DNAH14: variants seen among roughly 807,000 people sequenced by gnomAD.
DNAH14 encodes the protein dynein axonemal heavy chain 14, also known as axonemal beta dynein heavy chain 14.
Under a neutral mutation model 520.9 loss-of-function variants are expected in DNAH14, and 478 were observed. That is an observed-to-expected ratio of 0.92 (90% CI 0.85 to 0.99). DNAH14 has a LOEUF of 0.99. Ranked by LOEUF, DNAH14 falls within the 50% of genes least tolerant of loss-of-function variation. The probability of loss-of-function intolerance (pLI) is 0.00; values close to 1 mark genes in which losing one functional copy is unlikely to be tolerated. For synonymous variants in DNAH14, 1,581 were observed against 1,757.2 expected, an observed-to-expected ratio of 0.90 and a Z score of 2.51; for missense variants, 4,831 against 5,234.5, an observed-to-expected ratio of 0.92 and a Z score of 2.38.
chr1:225,294,747 C>A (rs759801332), intron 55 of DNAH14, among the ~76,000 whole-genome samples: 6 of 151,824 alleles, frequency 4.0e-5, no homozygotes, highest in Non-Finnish European at 7.4e-5. Flanking sequence ...TTGCTTGAAC[C>A]CAGGAGACAG....
intron 36 of DNAH14, among the ~76,000 whole-genome samples, chr1:225,174,652 G>A (rs535937308): frequency 6.6e-6 from 1 of 151,972 alleles, no homozygotes; most frequent in South Asian, 2.1e-4. Flanking sequence ...TTCTAATTTG[G>A]ATGTCTTTTA....
At chr1:225,147,390 T>G in intron 31 of DNAH14, 141 bp downstream of exon 31, 1 of 789,394 alleles carries the variant, frequency 1.3e-6, no homozygotes, top group Non-Finnish European at 1.8e-6. Flanking sequence ...CCAAAAGGAA[T>G]GGCAGTTACC....
intron 11 of DNAH14, chr1:225,024,366 C>A: frequency 1.7e-6 from 1 of 577,524 alleles, no homozygotes; most frequent in Non-Finnish European, 2.2e-6. Flanking sequence ...AACATTTTTA[C>A]CTTCTAAACA....
intron 54 of DNAH14, among the ~76,000 whole-genome samples, chr1:225,289,017 T>C (rs1318895529): frequency 6.6e-6 from 1 of 152,152 alleles, no homozygotes; most frequent in Non-Finnish European, 1.5e-5. Flanking sequence ...ATGGAAATGT[T>C]CATAGCAGCA....
At chr1:225,291,658 T>C (rs571213327) in intron 55 of DNAH14, among the ~76,000 whole-genome samples, 1 of 152,286 alleles carries the variant, frequency 6.6e-6, no homozygotes, top group South Asian at 2.1e-4. Flanking sequence ...CCATACTATT[T>C]GCCATAATGG....
At chr1:225,103,400 A>C (rs887601157) in intron 23 of DNAH14, among the ~76,000 whole-genome samples, 1 of 152,174 alleles carries the variant, frequency 6.6e-6, no homozygotes, top group East Asian at 1.9e-4. Context: ...TATGAACTTT[A>C]AAGTAGTTGT....
intron 32 of DNAH14, 99 bp downstream of exon 32, chr1:225,152,172 A>C: frequency 9.6e-7 from 1 of 1,037,086 alleles, no homozygotes. Flanking sequence ...ATCTATCCAT[A>C]TATCTGTCTC....
chr1:225,194,390 T>C (rs948200578), intron 38 of DNAH14, among the ~76,000 whole-genome samples: 5 of 151,690 alleles, frequency 3.3e-5, no homozygotes, highest in African/African-American at 1.2e-4. Context: ...TTTGACAAAG[T>C]TGACAAAAAG....
chr1:225,162,217 T>C (rs780234551), intron 35 of DNAH14, among the ~76,000 whole-genome samples: 36 of 152,238 alleles, frequency 2.4e-4, no homozygotes, highest in Non-Finnish European at 5.1e-4. Context: ...GTTTCATTCT[T>C]CTGCATATGG....
chr1:225,381,698 G>T, intron 81 of DNAH14, 119 bp downstream of exon 81: 1 of 836,532 alleles, frequency 1.2e-6, no homozygotes. Flanking sequence ...CTTAAAAGAT[G>T]CTGACGTACT....
chr1:225,261,817 A>G (rs753565263), intron 46 of DNAH14, among the ~76,000 whole-genome samples: 3 of 152,062 alleles, frequency 2.0e-5, no homozygotes, highest in Non-Finnish European at 4.4e-5. Context: ...TTTCTTTACT[A>G]TGATTGGCCA....
intron 37 of DNAH14, among the ~76,000 whole-genome samples, chr1:225,191,718 T>G (rs1000995158): frequency 3.9e-5 from 6 of 152,024 alleles, no homozygotes; most frequent in Non-Finnish European, 5.9e-5. Context: ...ATAGGTCTCT[T>G]GGACTCTGTT....
chr1:224,949,818 C>CT (rs2060059979), intron 1 of DNAH14, among the ~76,000 whole-genome samples: 1 of 152,100 alleles, frequency 6.6e-6, no homozygotes, highest in Non-Finnish European at 1.5e-5. Context: ...TAGATAGCAT[C>CT]TATTGACTCT....
chr1:225,013,590 A>G (rs1290047984), intron 10 of DNAH14, among the ~76,000 whole-genome samples: 1 of 152,042 alleles, frequency 6.6e-6, no homozygotes, highest in Non-Finnish European at 1.5e-5. Context: ...TGCCAAGGAG[A>G]TGGGAGTTTT....
At chr1:225,095,863 G>A (rs1023017839) in intron 21 of DNAH14, among the ~76,000 whole-genome samples, 1 of 152,120 alleles carries the variant, frequency 6.6e-6, no homozygotes, top group Non-Finnish European at 1.5e-5. Flanking sequence ...AATTCCAACA[G>A]GACACAAAGA....
rs936723372 is a variant in DNAH14 at position 225,023,749 on chromosome 1, A to G, written c.1242A>G (p.Ile414Met). Residue 414 changes from isoleucine to methionine, a missense_variant, in exon 11 of 86, where the codon ATA becomes ATG. Ile to Met is a conservative substitution (Grantham distance 10). Transcript: ENST00000682510. ...AGTTTGTAATGCTGGTTGACTACAT[A>G]TTTCAGGAACTCATTCGTCAACTTA... ...FFKFVMLVDY[I>M]FQELIRQLMN... The G allele has an allele frequency of 2.6e-6, 4 of 1,550,888 alleles. No individual in the cohort carries two copies. In the Admixed American group the frequency reaches 5.9e-5, roughly 23 times the overall value.
chr1:224,950,549 T>C (rs1211439987), intron 1 of DNAH14, among the ~76,000 whole-genome samples: 1 of 152,248 alleles, frequency 6.6e-6, no homozygotes, highest in Non-Finnish European at 1.5e-5. Context: ...TTTTTACAGT[T>C]TGATTAGTAA....
intron 37 of DNAH14, among the ~76,000 whole-genome samples, chr1:225,187,677 G>A (rs915831704): frequency 1.3e-5 from 2 of 151,780 alleles, no homozygotes; most frequent in Non-Finnish European, 2.9e-5. Flanking sequence ...TAGCGGATGC[G>A]AAATACTATC....
chr1:225,195,301 A>C (rs546231447), intron 38 of DNAH14, among the ~76,000 whole-genome samples: 35 of 152,330 alleles, frequency 2.3e-4, no homozygotes, highest in African/African-American at 8.4e-4. Flanking sequence ...AATGTGGTAC[A>C]TATACAGCAT....
Sources: gnomAD v4.1 joint callset for allele counts (sites outside exome capture counted in the v4.1 genomes callset) on GRCh38, gnomAD v4.1.1 for gene constraint, MANE v1.5 for transcripts, NCBI Gene and HGNC (gene_info 2026-07-23, HGNC 2026-07-21) for gene names.